Variants in PHOSPHO2 observed in about 807,000 individuals in gnomAD.
PHOSPHO2 encodes the protein pyridoxal phosphate phosphatase PHOSPHO2.
Under a neutral mutation model 16.4 loss-of-function variants are expected in PHOSPHO2, and 14 were observed. The observed-to-expected ratio is 0.85, with a 90% CI of 0.56 to 1.33. The LOEUF (loss-of-function observed/expected upper bound fraction) is 1.33. Among genes scored for constraint, PHOSPHO2 ranks in the 40% most tolerant of loss-of-function variants. The pLI is 0.00. For synonymous variants in PHOSPHO2, 85 were observed against 90.5 expected, an observed-to-expected ratio of 0.94 and a Z score of 0.34; for missense variants, 246 against 282.5, an observed-to-expected ratio of 0.87 and a Z score of 0.93.
In PHOSPHO2 at chr2:169,694,510, G is replaced by T; in HGVS notation, c.-343G>T. 1 of 657,652 alleles carries T rather than the reference G, an allele frequency of 1.5e-6. No homozygotes were observed. Among genetic ancestry groups the T allele is most frequent in the Non-Finnish European group, 2.7e-6 (1 of 366,798 alleles). The allele number at this position is 657,652 out of a possible 1,614,324, so 40.7% of individuals were successfully genotyped here. A position where few individuals can be genotyped will look rare whatever the true frequency, so the allele number is the denominator to read the frequency against. On this transcript the variant is annotated 5_prime_UTR_variant, in exon 1 of 4. Transcript: ENST00000359744. ...CTAGAGAAGAGAGGCGCCTGCGCTT[G>T]CGAGCTGGGCTTGTGAGTGGGGCTG...
Sources: gnomAD v4.1 joint callset for allele counts on GRCh38, gnomAD v4.1.1 for gene constraint, MANE v1.5 for transcripts, NCBI Gene and HGNC (gene_info 2026-07-23, HGNC 2026-07-21) for gene names.